Variants in PDE4D observed in about 807,000 individuals in gnomAD.
PDE4D encodes 3',5'-cyclic-AMP phosphodiesterase 4D.
Under a neutral mutation model 87.4 loss-of-function variants are expected in PDE4D, and 24 were observed. The ratio of observed to expected loss-of-function variants is 0.27; its 90% CI spans 0.20 to 0.39. PDE4D has a LOEUF of 0.39. Ranked by LOEUF, PDE4D falls within the 10% of genes least tolerant of loss-of-function variation. The pLI is 1.00. For missense variants in PDE4D, 714 were observed against 1,041.0 expected (o/e 0.69, Z 4.32); for synonymous variants, 384 against 383.2 (o/e 1.00, Z -0.02).
intron 1 of PDE4D, among the ~76,000 whole-genome samples, chr5:59,361,523 G>A (rs1782222537): frequency 6.6e-6 from 1 of 152,102 alleles, no homozygotes; most frequent in African/African-American, 2.4e-5. Context: ...CTATTGACTG[G>A]TGAGTGAAGG....
At chr5:60,330,223 A>G (rs1314617765) in intron 1 of PDE4D, among the ~76,000 whole-genome samples, 3 of 152,214 alleles carry the variant, frequency 2.0e-5, no homozygotes, top group Non-Finnish European at 4.4e-5. Context: ...ATGGCAGTCC[A>G]TTGTCATTCT....
chr5:59,502,049 C>T (rs1380837407), intron 1 of PDE4D, among the ~76,000 whole-genome samples: 1 of 152,116 alleles, frequency 6.6e-6, no homozygotes, highest in Non-Finnish European at 1.5e-5. Flanking sequence ...CACTAGTGTT[C>T]TCCACTAAAT....
At chr5:59,827,932 T>G (rs947136165) in intron 1 of PDE4D, among the ~76,000 whole-genome samples, 1 of 152,136 alleles carries the variant, frequency 6.6e-6, no homozygotes, top group African/African-American at 2.4e-5. Context: ...TTAAGACAGT[T>G]AATTGAGGTC....
intron 2 of PDE4D, among the ~76,000 whole-genome samples, chr5:60,053,486 A>G (rs1165000336): frequency 6.6e-6 from 1 of 152,228 alleles, no homozygotes; most frequent in African/African-American, 2.4e-5. Context: ...CTGGCTAACC[A>G]TATGCAGGAA....
intron 1 of PDE4D, among the ~76,000 whole-genome samples, chr5:59,771,526 G>GAAAGAAAGAAAGA (rs1763559250): frequency 6.8e-6 from 1 of 146,454 alleles, no homozygotes; most frequent in Admixed American, 6.7e-5. Context: ...AAGAAAGAAA[G>GAAAGAAAGAAAGA]AAAGAAAGAA....
chr5:60,460,999 T>C (rs994848054), intron 1 of PDE4D, among the ~76,000 whole-genome samples: 15 of 152,042 alleles, frequency 9.9e-5, no homozygotes, highest in Non-Finnish European at 1.9e-4. Context: ...CCCACCAAGA[T>C]AGAACAGGAG....
chr5:60,170,979 T>C (rs1783374021), intron 2 of PDE4D, among the ~76,000 whole-genome samples: 1 of 152,040 alleles, frequency 6.6e-6, no homozygotes, highest in African/African-American at 2.4e-5. Flanking sequence ...GATCAAAATA[T>C]GTATCTGGCA....
At chr5:59,156,002 T>A (rs903423897) in intron 5 of PDE4D, among the ~76,000 whole-genome samples, 6 of 151,994 alleles carry the variant, frequency 3.9e-5, no homozygotes, top group African/African-American at 1.5e-4. Flanking sequence ...GGAATTAGCA[T>A]GAAGAGGACT....
intron 1 of PDE4D, among the ~76,000 whole-genome samples, chr5:59,244,470 AC>A (rs1265518058): frequency 6.6e-6 from 1 of 151,162 alleles, no homozygotes; most frequent in African/African-American, 2.4e-5. Flanking sequence ...ATATACATAT[AC>A]ATACATTTTA....
At chr5:59,909,368 G>A (rs770764326) in intron 3 of PDE4D, among the ~76,000 whole-genome samples, 14 of 150,026 alleles carry the variant, frequency 9.3e-5, no homozygotes, top group Non-Finnish European at 1.9e-4. Flanking sequence ...TTCAGGAATC[G>A]GCAATTTTAA....
At chr5:60,448,815 G>A (rs1365258812) in intron 1 of PDE4D, 1 of 152,068 alleles carries the variant, frequency 6.6e-6, no homozygotes, top group African/African-American at 2.4e-5. Flanking sequence ...TCAAGCTCCT[G>A]ACGCAACAGA....
chr5:59,109,234 A>T (rs1289167551), intron 5 of PDE4D, among the ~76,000 whole-genome samples: 9 of 152,200 alleles, frequency 5.9e-5, no homozygotes, highest in Non-Finnish European at 1.3e-4. Context: ...TGTGCCATAC[A>T]TTGTTCTAGT....
chr5:59,732,792 T>C (rs1353464814), intron 1 of PDE4D, among the ~76,000 whole-genome samples: 2 of 152,140 alleles, frequency 1.3e-5, no homozygotes, highest in Non-Finnish European at 2.9e-5. Context: ...GCCAATGAAA[T>C]AGGCAGAATC....
At chr5:60,172,883 C>G (rs1783596559) in intron 2 of PDE4D, among the ~76,000 whole-genome samples, 1 of 152,120 alleles carries the variant, frequency 6.6e-6, no homozygotes, top group South Asian at 2.1e-4. Flanking sequence ...AATCCTAATA[C>G]TTTATTATGC....
chr5:58,992,986 T>A (rs1748264087), intron 7 of PDE4D, among the ~76,000 whole-genome samples: 1 of 152,172 alleles, frequency 6.6e-6, no homozygotes, highest in African/African-American at 2.4e-5. Flanking sequence ...GACGGTAAAT[T>A]CATCGAGGGC....
At chr5:58,993,786 C>A (rs977344614) in intron 6 of PDE4D, among the ~76,000 whole-genome samples, 8 of 152,096 alleles carry the variant, frequency 5.3e-5, no homozygotes, top group Non-Finnish European at 7.4e-5. Context: ...GGCCACCAGA[C>A]TGACCAGCAC....
intron 5 of PDE4D, among the ~76,000 whole-genome samples, chr5:59,162,558 G>A (rs1361530570): frequency 6.6e-6 from 1 of 151,870 alleles, no homozygotes; most frequent in Non-Finnish European, 1.5e-5. Context: ...TTCAAAATTG[G>A]CTGGGTGTGA....
chr5:59,555,621 C>A (rs1818775051), intron 1 of PDE4D, among the ~76,000 whole-genome samples: 1 of 152,078 alleles, frequency 6.6e-6, no homozygotes. Flanking sequence ...TTAAGGTCTG[C>A]CCTTCTCCTT....
chr5:59,114,728 G>C (rs1773286040), intron 5 of PDE4D, among the ~76,000 whole-genome samples: 1 of 152,030 alleles, frequency 6.6e-6, no homozygotes, highest in Non-Finnish European at 1.5e-5. Flanking sequence ...GTTTTTGAGA[G>C]GGATACACTG....
Sources: allele counts gnomAD v4.1 joint callset (sites outside exome capture counted in the v4.1 genomes callset), GRCh38; gene constraint gnomAD v4.1.1; transcripts MANE v1.5; gene names NCBI Gene and HGNC (gene_info 2026-07-23, HGNC 2026-07-21).